POF1B: variants seen among roughly 807,000 people sequenced by gnomAD.
POF1B encodes POF1B actin binding protein, also known as protein POF1B.
In POF1B, 53 loss-of-function variants were observed where a neutral mutation model predicts 55.3. That is an observed-to-expected ratio of 0.96 (90% CI 0.77 to 1.20). The LOEUF (loss-of-function observed/expected upper bound fraction) is 1.20, where lower values mean the gene tolerates loss of function less well. Among genes scored for constraint, POF1B ranks in the 50% most tolerant of loss-of-function variants. The probability of loss-of-function intolerance (pLI) is 0.00; values close to 1 mark genes in which losing one functional copy is unlikely to be tolerated. For missense variants in POF1B, 478 were observed against 420.5 expected (o/e 1.14, Z -1.20); for synonymous variants, 188 against 148.3 (o/e 1.27, Z -1.95).
intron 6 of POF1B, 40 bp from the exon 7 acceptor site, chrX:85,331,119 T>C: frequency 8.7e-7 from 1 of 1,145,275 alleles, no homozygotes; most frequent in South Asian, 2.2e-5. Context: ...CAATATTAAG[T>C]TTTTCTAAGT....
At chrX:85,291,882 C>A (rs1446594381) in intron 15 of POF1B, among the ~76,000 whole-genome samples, 2 of 111,303 alleles carry the variant, frequency 1.8e-5, no homozygotes, top group African/African-American at 3.3e-5. Context: ...GATAGTTTGA[C>A]TTCCTCTCTT....
rs752193681 is a variant in POF1B at position 85,318,319 on chromosome X, A to G, written c.855-2585T>C. ...TCTCTTATTCTGTAGATTGTCTTTT[A>G]AGTCTGTTAAGTCTGTTGATAGTTT... On this transcript the variant is annotated intron_variant, in intron 7 of 16. Coordinates refer to ENST00000262753, the MANE Select transcript of POF1B (RefSeq NM_024921.4). Among the ~76,000 whole-genome samples the G allele has an allele frequency of 4.5e-5, 5 of 111,468 alleles. No homozygotes were observed. In the Admixed American group the frequency reaches 4.8e-4, roughly 11 times the overall value.
intron 15 of POF1B, among the ~76,000 whole-genome samples, chrX:85,294,756 C>T (rs1932272908): frequency 9.0e-6 from 1 of 111,496 alleles, no homozygotes; most frequent in Non-Finnish European, 1.9e-5. Context: ...GGACTCCTTC[C>T]TCCTCTATTT....
At chrX:85,289,634 AAAAC>A (rs904621195) in intron 15 of POF1B, among the ~76,000 whole-genome samples, 2 of 112,115 alleles carry the variant, frequency 1.8e-5, no homozygotes, top group Non-Finnish European at 3.8e-5. Flanking sequence ...CAGAAGGGAA[AAAAC>A]AAACAAACAA....
At chrX:85,308,268 C>T in intron 9 of POF1B, 52 bp from the exon 10 acceptor site, 1 of 865,388 alleles carries the variant, frequency 1.2e-6, no homozygotes, top group Non-Finnish European at 1.6e-6. Flanking sequence ...TGAAAATAGG[C>T]AATATAAGTG....
intron 4 of POF1B, among the ~76,000 whole-genome samples, chrX:85,355,711 C>G (rs1318322434): frequency 8.9e-6 from 1 of 112,067 alleles, no homozygotes; most frequent in Non-Finnish European, 1.9e-5. Flanking sequence ...TGAAAAAATG[C>G]TCATCGTCAC....
At chrX:85,353,108 T>C (rs747539796) in intron 4 of POF1B, among the ~76,000 whole-genome samples, 5 of 111,069 alleles carry the variant, frequency 4.5e-5, no homozygotes, top group African/African-American at 6.5e-5. Context: ...AAAAACTGAG[T>C]TCCATCTGGC....
At position 85,308,172 on chromosome X, in the gene POF1B, T is replaced by C; in HGVS notation, c.1002A>G (p.Thr334=). The change falls in exon 10 of 17, where the codon ACA becomes ACG. Residue 334 remains threonine, a synonymous_variant. Transcript: ENST00000262753. ...CAAGCTCCTCCCGTATGTTGCTAAA[T>C]GTGGACAGCACTAGTCGGAGTGACT... is the stretch of plus-strand genomic sequence containing the variant. ...SDKSLRLVLS[T]FSNIREELGH... is the part of the protein sequence containing the mutation. 1 of 1,194,853 alleles carries C rather than the reference T, an allele frequency of 8.4e-7. No homozygotes were observed. Among genetic ancestry groups the C allele is most frequent in the Non-Finnish European group, 1.1e-6 (1 of 884,783 alleles).
intron 5 of POF1B, among the ~76,000 whole-genome samples, chrX:85,349,844 A>G (rs1374450352): frequency 9.0e-6 from 1 of 110,788 alleles, no homozygotes; most frequent in Non-Finnish European, 1.9e-5. Flanking sequence ...ACTTTGTTGC[A>G]GCAGCCCTAA....
chrX:85,314,092 CTTT>C (rs1415488402), intron 9 of POF1B, among the ~76,000 whole-genome samples: 3 of 110,423 alleles, frequency 2.7e-5, no homozygotes, highest in African/African-American at 9.9e-5. Flanking sequence ...CTCTTTTCTT[CTTT>C]ATCAGTCTGG....
intron 2 of POF1B, among the ~76,000 whole-genome samples, chrX:85,376,592 A>G (rs1933925788): frequency 1.8e-5 from 2 of 111,727 alleles, no homozygotes; most frequent in Middle Eastern, 4.7e-3. Context: ...AAACAAAATA[A>G]TAACCAAAAA....
chrX:85,312,917 A>G (rs1268552681), intron 9 of POF1B, among the ~76,000 whole-genome samples: 1 of 110,975 alleles, frequency 9.0e-6, no homozygotes, highest in African/African-American at 3.3e-5. Flanking sequence ...ATTCCTAGGT[A>G]TTTTATTCTC....
At chrX:85,303,557 C>A in intron 14 of POF1B, 69 bp from the exon 15 acceptor site, 1 of 746,710 alleles carries the variant, frequency 1.3e-6, no homozygotes, top group East Asian at 3.5e-5. Flanking sequence ...TATATTTAAT[C>A]ATTTAGAAGG....
In POF1B at chrX:85,305,771, G is replaced by A; in HGVS notation, c.1437+20C>T. The A allele has an allele frequency of 8.3e-7, 1 of 1,202,003 alleles. No individual in the cohort carries two copies. The highest frequency in any genetic ancestry group is 2.3e-4 in the Middle Eastern group (1 of 4,313). ...AGTTTGTGCTGACCTGTGTATTTAT[G>A]CAATGTAGGATCAACATACCCTCAG... On this transcript the variant is annotated intron_variant, in intron 13 of 16. Transcript: ENST00000262753.
chrX:85,360,618 T>G (rs2147945160), intron 3 of POF1B, among the ~76,000 whole-genome samples: 1 of 102,840 alleles, frequency 9.7e-6, no homozygotes, highest in Non-Finnish European at 2.0e-5. Context: ...ATTTCATATC[T>G]TTGCCTTTGT....
Position 85,345,923 on chromosome X carries a change from A to C in POF1B, c.660T>G (p.Asn220Lys). The C allele has an allele frequency of 8.3e-7, 1 of 1,208,416 alleles. No homozygotes were observed. Among genetic ancestry groups the C allele is most frequent in the South Asian group, 1.8e-5 (1 of 56,728 alleles). The change falls in exon 6 of 17, where the codon AAT becomes AAG. Residue 220 changes from asparagine (N) to lysine (K), a missense_variant. Coordinates refer to ENST00000262753, the MANE Select transcript of POF1B (RefSeq NM_024921.4). The part of the protein sequence containing the change: ...SQQIQAITGN[N>K]PISTHIGNEL... Reference sequence around the variant, plus strand: ...CATTTCCAATATGTGTAGAAATTGGATTATTTCCTGTGATGGCTTGGATTT... The same window carrying C: ...CATTTCCAATATGTGTAGAAATTGGCTTATTTCCTGTGATGGCTTGGATTT...
intron 6 of POF1B, among the ~76,000 whole-genome samples, chrX:85,337,161 G>A: frequency 9.0e-6 from 1 of 111,457 alleles, no homozygotes; most frequent in East Asian, 2.8e-4. Flanking sequence ...CTATGTGTTT[G>A]TTTTATGCCA....
Position 85,320,759 on chromosome X carries a change from T to G in POF1B, c.855-5025A>C, listed in dbSNP as rs913028632. 9.9e-5 allele frequency among the ~76,000 whole-genome samples: 11 copies of G among 111,298 alleles called. 1 individual carries two copies. The Admixed American group carries it at 1.1e-3, about 11-fold the overall frequency. ...ACACAATAAAAAATGATAAAGGGGA[T>G]ATTGCCACCAATCCCACAGAAATAC... On this transcript the variant is annotated intron_variant, in intron 7 of 16. Transcript: ENST00000262753.
chrX:85,369,042 CAA>C (rs1420585080), intron 2 of POF1B, among the ~76,000 whole-genome samples: 1 of 111,956 alleles, frequency 8.9e-6, no homozygotes, highest in Non-Finnish European at 1.9e-5. Context: ...TGCATTTACT[CAA>C]ACTGCCAAAT....
Sources: allele counts gnomAD v4.1 joint callset (sites outside exome capture counted in the v4.1 genomes callset), GRCh38; gene constraint gnomAD v4.1.1; transcripts MANE v1.5; gene names NCBI Gene and HGNC (gene_info 2026-07-23, HGNC 2026-07-21).